Variants in WDR91 observed in about 807,000 individuals in gnomAD.
WDR91 encodes the protein WD repeat-containing protein 91.
Under a neutral mutation model 88.4 loss-of-function variants are expected in WDR91, and 52 were observed. The observed-to-expected ratio is 0.59, with a 90% CI of 0.47 to 0.74. The LOEUF is 0.74. Among genes scored for constraint, WDR91 ranks in the 30% least tolerant of loss-of-function variants. WDR91 has a pLI of 0.00. For synonymous variants in WDR91, 362 were observed against 389.5 expected (o/e 0.93, Z 0.83); for missense variants, 824 against 954.5 (o/e 0.86, Z 1.80).
At chr7:135,205,087 G>T (rs1831714225) in intron 5 of WDR91, among the ~76,000 whole-genome samples, 1 of 152,052 alleles carries the variant, frequency 6.6e-6, no homozygotes, top group Non-Finnish European at 1.5e-5. Flanking sequence ...TTCCTCACCT[G>T]TGTGTACCTC....
In WDR91 at chr7:135,196,255, G is replaced by A. The variant is rs778804495; in HGVS notation, c.1133C>T (p.Thr378Ile). The A allele has an allele frequency of 3.1e-6, 5 of 1,611,894 alleles. No homozygotes were observed. In the African/African-American group the frequency reaches 5.3e-5, roughly 17 times the overall value. ...CTCAGGGCCTGCCGAGGATGCCCGAGTCAGTGGCTCCACTGGCTCCGTGTG... is the reference window on the plus strand; with the variant it reads ...CTCAGGGCCTGCCGAGGATGCCCGAATCAGTGGCTCCACTGGCTCCGTGTG... ...ELHTEPVEPL[T>I]RASSAGPEGG... Residue 378 changes from threonine to isoleucine, a missense_variant, in exon 8 of 15, where the codon ACT becomes ATT. Physicochemically the swap from Thr to Ile is moderately conservative, Grantham distance 89 (BLOSUM62 -1). Transcript: ENST00000354475. This position sits in a 1 kb window ranked among gnomAD's most constrained non-coding sequence, Gnocchi z 4.2.
At chr7:135,195,380 T>C (rs1471433052) in intron 8 of WDR91, among the ~76,000 whole-genome samples, 1 of 152,228 alleles carries the variant, frequency 6.6e-6, no homozygotes, top group Non-Finnish European at 1.5e-5. Flanking sequence ...TCTGGAGATT[T>C]AGAGCCTCCA....
intron 3 of WDR91, among the ~76,000 whole-genome samples, chr7:135,207,912 A>G (rs1475274421): frequency 6.6e-6 from 1 of 152,154 alleles, no homozygotes; most frequent in Non-Finnish European, 1.5e-5. Flanking sequence ...GAGGGCCCAC[A>G]AAGTTAACTG....
intron 14 of WDR91, among the ~76,000 whole-genome samples, chr7:135,186,614 C>T (rs1385730154): frequency 4.9e-4 from 74 of 152,248 alleles, no homozygotes; most frequent in Non-Finnish European, 9.8e-4. Context: ...CTCACTACAG[C>T]ATCACTTCTC....
Position 135,197,992 on chromosome 7 carries a change from C to T in WDR91, c.1050+1G>A. On this transcript the variant is annotated splice_donor_variant, in intron 7 of 14. Transcript: ENST00000354475. LOFTEE classifies it high-confidence loss of function. The stretch of plus-strand genomic sequence containing the variant: ...CAGGGGTGTTCAGGACAACCCCATA[C>T]CTGGGAAGTGGTTGTGGAGAAAAGC... The T allele has an allele frequency of 6.2e-7, 1 of 1,613,972 alleles. No homozygotes were observed. The highest frequency in any genetic ancestry group is 8.5e-7 in the Non-Finnish European group (1 of 1,179,892).
chr7:135,196,295 G>A lies in WDR91; in HGVS notation c.1093C>T (p.Pro365Ser), dbSNP rs749112130. 1 of 1,599,050 alleles carries A rather than the reference G, an allele frequency of 6.3e-7. No homozygotes were observed. The highest frequency in any genetic ancestry group is 1.1e-5 in the South Asian group (1 of 89,240). Reference sequence around the variant, plus strand: ...GGCTCCGTGTGGAGCTCTGGGCAGGGCTCAGCCTCTGGGCCACTGGCTTCT... The same window carrying A: ...GGCTCCGTGTGGAGCTCTGGGCAGGACTCAGCCTCTGGGCCACTGGCTTCT... ...KPEASGPEAEPCPELHTEPVE... is the reference protein window; with the variant it reads ...KPEASGPEAESCPELHTEPVE... The change falls in exon 8 of 15, where the codon CCC becomes TCC. Residue 365 changes from proline to serine, a missense_variant. By Grantham distance (74) the Pro-to-Ser change is moderately conservative. Transcript: ENST00000354475. This position sits in a 1 kb window ranked among gnomAD's most constrained non-coding sequence, Gnocchi z 4.2.
rs559633762 is a variant in WDR91 at position 135,186,321 on chromosome 7, A to G, written c.2080-6T>C. ...ACCTTCTCATCGCCACCCAGCTGCA[A>G]GAGGACAGGAAAGAGGAGGAGGTGT... is the stretch of plus-strand genomic sequence containing the variant. On this transcript the variant is annotated splice_region_variant and splice_polypyrimidine_tract_variant and intron_variant, in intron 14 of 14. Transcript: ENST00000354475. 2.4e-4 allele frequency: 394 copies of G among 1,611,080 alleles called. 2 individuals are homozygous for G. The South Asian group carries it at 4.1e-3, about 17-fold the overall frequency.
chr7:135,194,822 TG>T, intron 9 of WDR91, 111 bp downstream of exon 9: 1 of 1,415,490 alleles, frequency 7.1e-7, no homozygotes, highest in Non-Finnish European at 9.7e-7. Flanking sequence ...TCCCCAATAA[TG>T]GAGAGAAGGG....
At chr7:135,186,884 C>A in intron 14 of WDR91, 88 bp downstream of exon 14, 19 of 1,501,732 alleles carry the variant, frequency 1.3e-5, no homozygotes, top group Non-Finnish European at 1.8e-5. Context: ...GGGTAGAGGG[C>A]CTCGCTCAGT....
chr7:135,195,617 G>A (rs377358071), intron 8 of WDR91, among the ~76,000 whole-genome samples: 1 of 152,222 alleles, frequency 6.6e-6, no homozygotes, highest in South Asian at 2.1e-4. Context: ...AAAATAAAGT[G>A]TAACTTGTTC....
Position 135,205,963 on chromosome 7 carries a change from A to G in WDR91, c.690T>C (p.Tyr230=). ...EALVQHKLPP[Y]VSNMDRLGDS... is the part of the protein sequence containing the mutation. ...CCCCCAGGCGGTCCATGTTGGAGAC[A>G]TAAGGAGGCAATTTGTGTTGGACCA... Residue 230 remains tyrosine (Y), a synonymous_variant, in exon 5 of 15, where the codon TAT becomes TAC. Transcript: ENST00000354475. 1.2e-6 allele frequency: 2 copies of G among 1,614,114 alleles called. No homozygotes were observed. The highest frequency in any genetic ancestry group is 1.1e-5 in the South Asian group (1 of 91,080).
chr7:135,209,941 G>A lies in WDR91; in HGVS notation c.124-186C>T, dbSNP rs1038017040. 7.6e-5 allele frequency: 38 copies of A among 502,358 alleles called. No homozygotes were observed. The East Asian group carries it at 1.3e-3, about 17-fold the overall frequency. The allele number at this position is 502,358 out of a possible 1,614,324, so 31.1% of individuals were successfully genotyped here. A position where few individuals can be genotyped will look rare whatever the true frequency, so the allele number is the denominator to read the frequency against. On this transcript the variant is annotated intron_variant, in intron 1 of 14. Coordinates refer to ENST00000354475, the MANE Select transcript of WDR91 (RefSeq NM_014149.4). Reference sequence around the variant, plus strand: ...TCAGTAATTTTCTGATGTTAGAGAAGTGGTTTGACCCTCTAGCAAGCACGG... The same window carrying A: ...TCAGTAATTTTCTGATGTTAGAGAAATGGTTTGACCCTCTAGCAAGCACGG...
intron 11 of WDR91, 123 bp downstream of exon 11, chr7:135,193,108 A>T: frequency 2.1e-6 from 3 of 1,403,294 alleles, no homozygotes; most frequent in East Asian, 2.3e-5. Flanking sequence ...ACTTTTCAAC[A>T]CTCAAAACTT....
intron 12 of WDR91, 81 bp downstream of exon 12, chr7:135,189,263 G>A: frequency 2.4e-6 from 3 of 1,273,426 alleles, no homozygotes; most frequent in South Asian, 1.3e-5. Flanking sequence ...AGCCCAGCTG[G>A]CAAAAAAATC....
intron 3 of WDR91, among the ~76,000 whole-genome samples, chr7:135,208,579 C>G (rs144086544): frequency 6.6e-6 from 1 of 152,330 alleles, no homozygotes; most frequent in East Asian, 1.9e-4. Context: ...TCAGCTAATA[C>G]TTCAGCAGCA....
chr7:135,195,160 A>G, intron 8 of WDR91, 76 bp from the exon 9 acceptor site: 1 of 1,466,596 alleles, frequency 6.8e-7, no homozygotes, highest in Non-Finnish European at 9.3e-7. Flanking sequence ...CAAGATGATC[A>G]CTTTCCTGAC....
chr7:135,202,789 A>C (rs1831619881), intron 6 of WDR91, among the ~76,000 whole-genome samples: 1 of 152,168 alleles, frequency 6.6e-6, no homozygotes. Flanking sequence ...ACTCGGCCAC[A>C]CTCCACAGAA....
Position 135,186,967 on chromosome 7 carries a change from G to T in WDR91, c.2079+5C>A. The T allele has an allele frequency of 6.2e-7, 1 of 1,613,402 alleles. No individual in the cohort carries two copies. Among genetic ancestry groups the T allele is most frequent in the African/African-American group, 1.3e-5 (1 of 75,024 alleles). ...CACTACCTCCCACCCCCAACCATCA[G>T]TTACCTTGTAGATGACGCCGCCTGT... On this transcript the variant is annotated splice_donor_5th_base_variant and intron_variant, in intron 14 of 14. Transcript: ENST00000354475.
At position 135,196,470 on chromosome 7, in the gene WDR91, T is replaced by A; in HGVS notation, c.1051-133A>T. 2.4e-6 allele frequency: 2 copies of A among 848,812 alleles called. No homozygotes were observed. Among genetic ancestry groups the A allele is most frequent in the Non-Finnish European group, 3.4e-6 (2 of 592,974 alleles). The allele number at this position is 848,812 out of a possible 1,614,324, so 52.6% of individuals were successfully genotyped here. ...GTAATTACAGAGTGGAGAGGAGAGCTCTGACCTGCGAGGGTAGTGCTCAGC... is the reference window on the plus strand; with the variant it reads ...GTAATTACAGAGTGGAGAGGAGAGCACTGACCTGCGAGGGTAGTGCTCAGC... On this transcript the variant is annotated intron_variant, in intron 7 of 14. Coordinates refer to ENST00000354475, the MANE Select transcript of WDR91 (RefSeq NM_014149.4). The surrounding 1 kb of genome is among the most constrained non-coding windows in gnomAD (Gnocchi z 4.2).
Sources: allele counts gnomAD v4.1 joint callset (sites outside exome capture counted in the v4.1 genomes callset), GRCh38; gene constraint gnomAD v4.1.1; non-coding constraint Gnocchi (gnomAD v3.1); transcripts MANE v1.5; gene names NCBI Gene and HGNC (gene_info 2026-07-23, HGNC 2026-07-21).